The following SLC24A3 variants were observed in gnomAD, a reference collection of about 807,000 sequenced individuals.
SLC24A3 encodes solute carrier family 24 member 3.
A neutral mutation model predicts 75.8 loss-of-function variants in SLC24A3; 28 were observed. That is an observed-to-expected ratio of 0.37 (90% confidence interval 0.27 to 0.51). The LOEUF (loss-of-function observed/expected upper bound fraction) is 0.51, where lower values mean the gene tolerates loss of function less well. Among genes scored for constraint, SLC24A3 ranks in the 20% least tolerant of loss-of-function variants. SLC24A3 has a pLI of 0.94. For synonymous variants in SLC24A3, 372 were observed against 334.1 expected, an observed-to-expected ratio of 1.11 and a Z score of -1.24; for missense variants, 663 against 847.8, an observed-to-expected ratio of 0.78 and a Z score of 2.71.
chr20:19,516,327 C>T (rs2029987552), intron 3 of SLC24A3, among the ~76,000 whole-genome samples: 2 of 152,206 alleles, frequency 1.3e-5, no homozygotes, highest in South Asian at 4.1e-4. Flanking sequence ...ATCTCTGAGC[C>T]AAATTCTCGA....
At chr20:19,700,910 T>C (rs1334834029) in intron 15 of SLC24A3, among the ~76,000 whole-genome samples, 1 of 152,210 alleles carries the variant, frequency 6.6e-6, no homozygotes, top group Non-Finnish European at 1.5e-5. Context: ...TTTTAGAGTT[T>C]TACCTAAATC....
intron 16 of SLC24A3, among the ~76,000 whole-genome samples, chr20:19,719,699 C>T (rs1268855179): frequency 6.6e-6 from 1 of 152,278 alleles, no homozygotes; most frequent in Admixed American, 6.5e-5. Context: ...AAGACCCATC[C>T]GCATGGCTGA....
At chr20:19,632,288 T>C (rs2031943566) in intron 6 of SLC24A3, among the ~76,000 whole-genome samples, 1 of 152,194 alleles carries the variant, frequency 6.6e-6, no homozygotes, top group Non-Finnish European at 1.5e-5. Context: ...ACAACCCAAA[T>C]TGACTCTCTT....
rs2032665239 is a variant in SLC24A3 at position 19,685,417 on chromosome 20, A to G, written c.1324+56A>G. On this transcript the variant is annotated intron_variant, in intron 12 of 16. Transcript: ENST00000328041. ...GGAGCTATTTTGAGCCACTGAGTAGATGCCCTTGACTTAGATTATCTTTTT... is the reference window on the plus strand; with the variant it reads ...GGAGCTATTTTGAGCCACTGAGTAGGTGCCCTTGACTTAGATTATCTTTTT... The G allele has an allele frequency of 1.0e-5, 16 of 1,585,174 alleles. No homozygotes were observed. In the South Asian group the frequency reaches 1.5e-4, roughly 15 times the overall value.
At chr20:19,506,740 T>G (rs1410807266) in intron 2 of SLC24A3, among the ~76,000 whole-genome samples, 2 of 151,598 alleles carry the variant, frequency 1.3e-5, no homozygotes, top group Non-Finnish European at 1.5e-5. Context: ...GCTCCCAAGC[T>G]AACCTCAACT....
intron 1 of SLC24A3, among the ~76,000 whole-genome samples, chr20:19,229,134 A>G (rs942599707): frequency 6.6e-6 from 1 of 151,582 alleles, no homozygotes; most frequent in African/African-American, 2.4e-5. Context: ...TTTCATTAAT[A>G]TTTTAGAAAT....
At chr20:19,246,403 C>G (rs997745207) in intron 1 of SLC24A3, among the ~76,000 whole-genome samples, 1 of 152,042 alleles carries the variant, frequency 6.6e-6, no homozygotes, top group Non-Finnish European at 1.5e-5. Context: ...GTAAAATACA[C>G]AGATTCTTTG....
chr20:19,671,495 G>A (rs1345534952), intron 8 of SLC24A3, among the ~76,000 whole-genome samples: 2 of 152,192 alleles, frequency 1.3e-5, no homozygotes, highest in East Asian at 1.9e-4. Flanking sequence ...AAAGAAGTCA[G>A]TGATTGATGA....
chr20:19,240,280 G>A (rs1982293140), intron 1 of SLC24A3, among the ~76,000 whole-genome samples: 1 of 152,170 alleles, frequency 6.6e-6, no homozygotes, highest in African/African-American at 2.4e-5. Flanking sequence ...GTGAGCCATT[G>A]CAGCCTCAAT....
At chr20:19,313,772 G>T (rs1222059097) in intron 2 of SLC24A3, among the ~76,000 whole-genome samples, 4 of 152,216 alleles carry the variant, frequency 2.6e-5, no homozygotes, top group Admixed American at 2.0e-4. Flanking sequence ...ACGGTGATAT[G>T]GGGCAAGTTT....
At chr20:19,478,804 A>G (rs951506153) in intron 2 of SLC24A3, among the ~76,000 whole-genome samples, 3 of 152,180 alleles carry the variant, frequency 2.0e-5, no homozygotes, top group African/African-American at 7.2e-5. Context: ...ACTGCAAACC[A>G]AGTGCACTTT....
At chr20:19,720,334 A>G (rs2033090969) in intron 16 of SLC24A3, among the ~76,000 whole-genome samples, 1 of 152,212 alleles carries the variant, frequency 6.6e-6, no homozygotes, top group South Asian at 2.1e-4. Context: ...GGAGGCATTG[A>G]AATCACAGAG....
intron 2 of SLC24A3, among the ~76,000 whole-genome samples, chr20:19,466,732 A>C (rs1022446283): frequency 6.6e-6 from 1 of 152,162 alleles, no homozygotes; most frequent in Admixed American, 6.5e-5. Context: ...CTCCTAGCAC[A>C]CTGGCTTCTG....
chr20:19,521,102 A>T (rs1002727295), intron 3 of SLC24A3, among the ~76,000 whole-genome samples: 3 of 151,940 alleles, frequency 2.0e-5, no homozygotes, highest in Admixed American at 6.6e-5. Context: ...TACCTAGGTG[A>T]CCTGAACCAT....
At chr20:19,549,183 C>A (rs530237182) in intron 3 of SLC24A3, among the ~76,000 whole-genome samples, 1 of 152,210 alleles carries the variant, frequency 6.6e-6, no homozygotes, top group Non-Finnish European at 1.5e-5. Context: ...TGGCACCTAA[C>A]TGCAAGGGAT....
chr20:19,638,077 C>T (rs188185446), intron 6 of SLC24A3, among the ~76,000 whole-genome samples: 63 of 152,238 alleles, frequency 4.1e-4, no homozygotes, highest in African/African-American at 1.3e-3. Flanking sequence ...CCCTCATCCC[C>T]CACCCCTCTA....
At chr20:19,603,318 G>A (rs749877349) in intron 6 of SLC24A3, among the ~76,000 whole-genome samples, 16 of 152,262 alleles carry the variant, frequency 1.1e-4, no homozygotes, top group Admixed American at 2.0e-4. Context: ...AGCTCAGCAG[G>A]GGGTGATGGC....
At chr20:19,653,549 C>G (rs182731035) in intron 6 of SLC24A3, among the ~76,000 whole-genome samples, 1 of 152,188 alleles carries the variant, frequency 6.6e-6, no homozygotes, top group African/African-American at 2.4e-5. Flanking sequence ...CGGGGCAAGA[C>G]AGGCTGTAGC....
At chr20:19,344,623 C>T (rs998463107) in intron 2 of SLC24A3, among the ~76,000 whole-genome samples, 6 of 152,204 alleles carry the variant, frequency 3.9e-5, no homozygotes, top group South Asian at 2.1e-4. Context: ...GACTGGGACA[C>T]TGCAGACAGT....
Sources: allele counts gnomAD v4.1 joint callset (sites outside exome capture counted in the v4.1 genomes callset), GRCh38; gene constraint gnomAD v4.1.1; transcripts MANE v1.5; gene names NCBI Gene and HGNC (gene_info 2026-07-23, HGNC 2026-07-21).